METTL4: variants seen among roughly 807,000 people sequenced by gnomAD.
METTL4 encodes methyltransferase 4, N6-adenosine.
METTL4 carries 40 observed loss-of-function variants against 54.0 expected under a neutral mutation model. That is an observed-to-expected ratio of 0.74 (90% CI 0.58 to 0.96). The LOEUF is 0.96. Ranked by LOEUF, METTL4 falls within the 50% of genes least tolerant of loss-of-function variation. METTL4 has a pLI of 0.00. For synonymous variants in METTL4, 169 were observed against 183.8 expected (o/e 0.92, Z 0.65); for missense variants, 525 against 549.0 (o/e 0.96, Z 0.44).
rs2072360402 is a variant in METTL4 at position 2,563,842 on chromosome 18, A to G, written c.414T>C (p.Val138=). The part of the protein sequence containing the change: ...SIIGKKRKRC[V]VFNQGELDAM... The stretch of plus-strand genomic sequence containing the variant: ...CATCCAATTCACCTTGATTGAAAAC[A>G]ACACATCTTTTACGCTTCTAAAGGG... The change falls in exon 3 of 9, where the codon GTT becomes GTC. Residue 138 remains valine, a synonymous_variant. Coordinates refer to ENST00000574538, the MANE Select transcript of METTL4 (RefSeq NM_022840.5). The G allele has an allele frequency of 6.2e-7, 1 of 1,609,678 alleles. No homozygotes were observed. The highest frequency in any genetic ancestry group is 1.7e-5 in the Admixed American group (1 of 59,494).
chr18:2,544,815 C>A, intron 6 of METTL4, 56 bp from the exon 7 acceptor site: 2 of 1,073,156 alleles, frequency 1.9e-6, no homozygotes, highest in Non-Finnish European at 2.8e-6. Context: ...TATAGAGCTT[C>A]CACACACACA....
chr18:2,559,160 T>C (rs2072279089), intron 3 of METTL4, among the ~76,000 whole-genome samples: 1 of 152,212 alleles, frequency 6.6e-6, no homozygotes. Context: ...TAGATATTTG[T>C]ACACCTGTCT....
chr18:2,567,000 T>C lies in METTL4; in HGVS notation c.217A>G (p.Asn73Asp). The change falls in exon 2 of 9, where the codon AAT becomes GAT. Residue 73 changes from asparagine (N) to aspartate (D), a missense_variant. Asn to Asp is a conservative substitution (Grantham distance 23). Coordinates refer to ENST00000574538, the MANE Select transcript of METTL4 (RefSeq NM_022840.5). The stretch of plus-strand genomic sequence containing the variant: ...ATTTCATAATTTCCTCCATCATCAT[T>C]CTCTGGCTTAGTGGAAGAGTCAGAA... ...IASDSSTKPE[N>D]DDGGNYEMFT... 1 of 1,614,138 alleles carries C rather than the reference T, an allele frequency of 6.2e-7. No individual in the cohort carries two copies. The highest frequency in any genetic ancestry group is 8.5e-7 in the Non-Finnish European group (1 of 1,180,024).
intron 8 of METTL4, among the ~76,000 whole-genome samples, chr18:2,543,183 G>A (rs2072020220): frequency 6.6e-6 from 1 of 151,088 alleles, no homozygotes; most frequent in Non-Finnish European, 1.5e-5. Flanking sequence ...GAAATCCTAA[G>A]TGCTAGCAAT....
At chr18:2,569,690 C>A (rs957396473) in intron 1 of METTL4, among the ~76,000 whole-genome samples, 1 of 152,220 alleles carries the variant, frequency 6.6e-6, no homozygotes, top group South Asian at 2.1e-4. Context: ...AAGCCCTCTG[C>A]TCCGCTCCCC....
Position 2,537,556 on chromosome 18 carries a change from T to A in METTL4, c.*1444A>T, listed in dbSNP as rs1032850970. ...CATGAGAAGTTTGCTTCAAGTTTAA[T>A]ACCTTTTTCCTTTTAAATAACAAGT... On this transcript the variant is annotated 3_prime_UTR_variant, in exon 9 of 9. Transcript: ENST00000574538. The A allele has an allele frequency of 8.9e-6, 2 of 225,750 alleles. No homozygotes were observed. The highest frequency in any genetic ancestry group is 4.5e-5 in the African/African-American group (2 of 44,534). 14.0% of individuals were successfully genotyped at this position (225,750 alleles called of 1,614,324 possible).
chr18:2,544,240 CAATT>C lies in METTL4; in HGVS notation c.1224_1227del (p.Ile409SerfsTer18). ...GAGTGAAGAGTACAGGGCACGCTGACAATTAATTTGTGGTCTGGAATGGGGAGCA... is the reference window on the plus strand; with the variant it reads ...GAGTGAAGAGTACAGGGCACGCTGACAATTTGTGGTCTGGAATGGGGAGCA... On this transcript the variant is annotated frameshift_variant, in exon 8 of 9. Coordinates refer to ENST00000574538, the MANE Select transcript of METTL4 (RefSeq NM_022840.5). LOFTEE classifies it high-confidence loss of function. 3 of 1,613,474 alleles carry C rather than the reference CAATT, an allele frequency of 1.9e-6. No individual in the cohort carries two copies. Among genetic ancestry groups the C allele is most frequent in the Non-Finnish European group, 2.5e-6 (3 of 1,179,778 alleles).
chr18:2,548,978 A>G (rs1013012196), intron 5 of METTL4, among the ~76,000 whole-genome samples: 2 of 152,202 alleles, frequency 1.3e-5, no homozygotes, highest in Non-Finnish European at 2.9e-5. Flanking sequence ...CAGGATCTTA[A>G]AGTACTCATC....
At position 2,537,828 on chromosome 18, in the gene METTL4, C is replaced by T. The variant is rs141574134; in HGVS notation, c.*1172G>A. 866 of 398,374 alleles carry T rather than the reference C, an allele frequency of 2.2e-3. 12 individuals are homozygous for T. Among genetic ancestry groups the T allele is most frequent in the African/African-American group, 0.016 (774 of 48,732 alleles). 24.7% of individuals were successfully genotyped at this position (398,374 alleles called of 1,614,324 possible). On this transcript the variant is annotated 3_prime_UTR_variant, in exon 9 of 9. Coordinates refer to ENST00000574538, the MANE Select transcript of METTL4 (RefSeq NM_022840.5). ...GCCAGGCACAATAGATTACACATTG[C>T]ATGATTCCATTTATATGAAATTCTC...
chr18:2,539,211 TTA>T, intron 8 of METTL4, 66 bp from the exon 9 acceptor site: 1 of 1,273,966 alleles, frequency 7.8e-7, no homozygotes, highest in Non-Finnish European at 1.1e-6. Context: ...CTTTTAGCAG[TTA>T]AGAGTAGAAA....
chr18:2,565,244 G>T (rs1040006676), intron 2 of METTL4, among the ~76,000 whole-genome samples: 1 of 151,600 alleles, frequency 6.6e-6, no homozygotes, highest in Admixed American at 6.6e-5. Context: ...ACGCCACTGC[G>T]CTCCAGCCTG....
chr18:2,538,966 A>ACTTTTTAACTTG lies in METTL4; in HGVS notation c.*33_*34insCAAGTTAAAAAG, dbSNP rs1459077772. 2 of 1,593,908 alleles carry ACTTTTTAACTTG rather than the reference A, an allele frequency of 1.3e-6. No individual in the cohort carries two copies. Among genetic ancestry groups the ACTTTTTAACTTG allele is most frequent in the African/African-American group, 2.7e-5 (2 of 74,276 alleles). On this transcript the variant is annotated 3_prime_UTR_variant, in exon 9 of 9. Transcript: ENST00000574538. ...ATTAAGGGAAAAGTGGTGAGGAAAC[A>ACTTTTTAACTTG]ATGAAGAAACCACTACTTTAATCAA... is the stretch of plus-strand genomic sequence containing the variant.
At chr18:2,540,826 T>C in intron 8 of METTL4, 1 of 985,474 alleles carries the variant, frequency 1.0e-6, no homozygotes, top group Non-Finnish European at 1.2e-6. Flanking sequence ...TTTTGTTTCA[T>C]TTGTTCAGAT....
intron 3 of METTL4, among the ~76,000 whole-genome samples, chr18:2,559,798 T>C (rs2072290124): frequency 6.6e-6 from 1 of 152,166 alleles, no homozygotes; most frequent in Non-Finnish European, 1.5e-5. Flanking sequence ...TGGAGTGGCA[T>C]GATCTCGGCT....
At chr18:2,541,265 T>C (rs2071989502) in intron 8 of METTL4, among the ~76,000 whole-genome samples, 1 of 152,218 alleles carries the variant, frequency 6.6e-6, no homozygotes, top group Non-Finnish European at 1.5e-5. Context: ...TGTATAAATT[T>C]AAACATGAGT....
Position 2,566,903 on chromosome 18 carries a change from T to G in METTL4, c.314A>C (p.His105Pro), listed in dbSNP as rs781153012. 1.2e-6 allele frequency: 2 copies of G among 1,613,492 alleles called. No individual in the cohort carries two copies. The highest frequency in any genetic ancestry group is 1.7e-6 in the Non-Finnish European group (2 of 1,179,722). The change falls in exon 2 of 9, where the codon CAT becomes CCT. Residue 105 changes from histidine to proline, a missense_variant. Physicochemically the swap from His to Pro is moderately conservative, Grantham distance 77 (BLOSUM62 -2). Coordinates refer to ENST00000574538, the MANE Select transcript of METTL4 (RefSeq NM_022840.5). ...VTKPYITPAV[H>P]KECQQSNEKE... ...TTCATTACTTTGCTGGCATTCTTTA[T>G]GAACAGCTGGAGTTATATAAGGTTT...
intron 4 of METTL4, chr18:2,553,480 TAA>T (rs2143529310): frequency 6.6e-6 from 1 of 152,364 alleles, no homozygotes; most frequent in South Asian, 2.1e-4. Context: ...AGTCTTTGGT[TAA>T]AGTGTTGTCT....
At chr18:2,560,748 G>A (rs1286358882) in intron 3 of METTL4, among the ~76,000 whole-genome samples, 2 of 151,908 alleles carry the variant, frequency 1.3e-5, no homozygotes, top group Admixed American at 6.6e-5. Flanking sequence ...GCGTAGTGGC[G>A]GGCGCCTGTA....
chr18:2,563,906 A>C lies in METTL4; in HGVS notation c.397-47T>G, dbSNP rs770984771. 4 of 1,443,916 alleles carry C rather than the reference A, an allele frequency of 2.8e-6. No individual in the cohort carries two copies. The South Asian group carries it at 4.9e-5, about 18-fold the overall frequency. The allele number at this position is 1,443,916 out of a possible 1,614,324, so 89.4% of individuals were successfully genotyped here. A position where few individuals can be genotyped will look rare whatever the true frequency, so the allele number is the denominator to read the frequency against. On this transcript the variant is annotated intron_variant, in intron 2 of 8. Coordinates refer to ENST00000574538, the MANE Select transcript of METTL4 (RefSeq NM_022840.5). ...GGGGAAAAGTTATGTTGCCATTAATATTTTGCTTTTTCATTATAACATTAT... is the reference window on the plus strand; with the variant it reads ...GGGGAAAAGTTATGTTGCCATTAATCTTTTGCTTTTTCATTATAACATTAT...
Sources: gnomAD v4.1 joint callset for allele counts (sites outside exome capture counted in the v4.1 genomes callset) on GRCh38, gnomAD v4.1.1 for gene constraint, MANE v1.5 for transcripts, NCBI Gene and HGNC (gene_info 2026-07-23, HGNC 2026-07-21) for gene names.